OR7E24: variants seen among roughly 807,000 people sequenced by gnomAD.
OR7E24 encodes olfactory receptor 7E24.
For missense variants in OR7E24, 385 were observed against 410.3 expected (o/e 0.94, Z 0.53); for synonymous variants, 130 against 157.5 (o/e 0.83, Z 1.31).
chr19:9,209,218 C>T, the OR7E24 span: 19 of 152,076 alleles, frequency 1.2e-4, no homozygotes, highest in Admixed American at 1.2e-3. Flanking sequence ...TTTATGGACC[C>T]TTCATCACTC....
the OR7E24 span, among the ~76,000 whole-genome samples, chr19:9,223,428 C>T: frequency 0.32 from 48,842 of 152,078 alleles, 8,472 homozygotes; most frequent in African/African-American, 0.44. Flanking sequence ...TGACATACAA[C>T]ACAAATATTT....
the OR7E24 span, among the ~76,000 whole-genome samples, chr19:9,231,595 A>G: frequency 6.6e-6 from 1 of 152,202 alleles, no homozygotes; most frequent in African/African-American, 2.4e-5. Flanking sequence ...CAAAAGCAAC[A>G]ACAACAAAAA....
At chr19:9,226,401 A>G in the OR7E24 span, among the ~76,000 whole-genome samples, 3 of 152,210 alleles carry the variant, frequency 2.0e-5, no homozygotes, top group Admixed American at 2.0e-4. Context: ...GGGACCGCAC[A>G]TTCCGTGTTT....
At chr19:9,215,532 T>G in the OR7E24 span, among the ~76,000 whole-genome samples, 1 of 152,130 alleles carries the variant, frequency 6.6e-6, no homozygotes, top group Non-Finnish European at 1.5e-5. Context: ...CAATAGTTAT[T>G]AAGTTGTGGA....
the OR7E24 span, among the ~76,000 whole-genome samples, chr19:9,225,711 A>G: frequency 6.6e-6 from 1 of 152,152 alleles, no homozygotes; most frequent in African/African-American, 2.4e-5. Flanking sequence ...ATGTACACAA[A>G]AAGTTTATCC....
chr19:9,234,153 C>T, the OR7E24 span, among the ~76,000 whole-genome samples: 2 of 152,140 alleles, frequency 1.3e-5, no homozygotes, highest in Non-Finnish European at 2.9e-5. Context: ...CCGCTCACCT[C>T]GGCCTCCCAA....
At chr19:9,214,493 C>T in the OR7E24 span, 1 of 1,613,966 alleles carries the variant, frequency 6.2e-7, no homozygotes, top group African/African-American at 1.3e-5. Context: ...CCATCACGGC[C>T]AGTAGGAAAG....
the OR7E24 span, among the ~76,000 whole-genome samples, chr19:9,238,737 CT>C: frequency 2.0e-5 from 3 of 152,176 alleles, no homozygotes; most frequent in African/African-American, 7.2e-5. Context: ...ATGAGTTTGA[CT>C]TGTTTTCATC....
At position 9,251,802 on chromosome 19, in the gene OR7E24, T is replaced by G. The variant is rs1174839130; in HGVS notation, c.747T>G (p.Tyr249Ter). 1.2e-6 allele frequency: 2 copies of G among 1,613,192 alleles called. No homozygotes were observed. The highest frequency in any genetic ancestry group is 3.3e-5 in the Admixed American group (2 of 59,864). The change falls in exon 2 of 2, where the codon TAT becomes TAG. Residue 249 changes from tyrosine (Y) to a stop codon, truncating the protein, a stop_gained. Coordinates refer to the OR7E24 transcript ENST00000641946. LOFTEE classifies it low-confidence loss of function (END_TRUNC). ...GAGTTCCAACATCAGATGGGAAGTA[T>G]AAAGCCTTCTCCACCTGTGGCTCTC... is the stretch of plus-strand genomic sequence containing the variant.
At chr19:9,239,129 T>A in the OR7E24 span, among the ~76,000 whole-genome samples, 1 of 152,112 alleles carries the variant, frequency 6.6e-6, no homozygotes, top group South Asian at 2.1e-4. Flanking sequence ...ACCAACAGTA[T>A]GCAATGTCCC....
chr19:9,221,340 C>CCTTTTTTTTTTTTTTTTTTT, the OR7E24 span, among the ~76,000 whole-genome samples: 1 of 81,180 alleles, frequency 1.2e-5, no homozygotes. Context: ...GTCTTTTGCC[C>CCTTTTTTTTTTTTTTTTTTT]TTTTTTTTTT....
the OR7E24 span, chr19:9,236,067 A>C: frequency 2.6e-6 from 4 of 1,546,744 alleles, no homozygotes; most frequent in South Asian, 4.5e-5. Flanking sequence ...TTAGCAGGGC[A>C]GCCTCTTGTC....
chr19:9,235,590 GT>G, the OR7E24 span: 1 of 1,561,298 alleles, frequency 6.4e-7, no homozygotes, highest in South Asian at 1.1e-5. Flanking sequence ...TGGCATCTTG[GT>G]TCATCATTTT....
the OR7E24 span, chr19:9,211,898 A>G: frequency 6.7e-6 from 1 of 150,104 alleles, no homozygotes; most frequent in Non-Finnish European, 1.5e-5. Flanking sequence ...TTAAAATTAA[A>G]AAAAAATCTG....
chr19:9,237,156 T>C, the OR7E24 span, among the ~76,000 whole-genome samples: 1 of 152,138 alleles, frequency 6.6e-6, no homozygotes, highest in Non-Finnish European at 1.5e-5. Context: ...TGCTTCGGAG[T>C]ACCCTGAGCT....
At chr19:9,215,157 A>G in the OR7E24 span, among the ~76,000 whole-genome samples, 1 of 152,246 alleles carries the variant, frequency 6.6e-6, no homozygotes, top group Non-Finnish European at 1.5e-5. Flanking sequence ...ATCCTGGCCA[A>G]TATGGTGAAA....
At position 9,251,463 on chromosome 19, in the gene OR7E24, G is replaced by A. The variant is rs945739228; in HGVS notation, c.420G>A (p.Arg140=). The A allele has an allele frequency of 1.9e-6, 3 of 1,614,110 alleles. No homozygotes were observed. The highest frequency in any genetic ancestry group is 3.3e-5 in the Admixed American group (2 of 60,014). Residue 140 remains arginine (R), a synonymous_variant, in exon 1 of 1, where the codon CGG becomes CGA. Coordinates refer to ENST00000456448, the MANE Select transcript of OR7E24 (RefSeq NM_001079935.2). Reference sequence around the variant, plus strand: ...TCCTGAGTGTGATGGCCTATGACCGGTTTGTGGCCATCTGTCACCCCCTGC... The same window carrying A: ...TCCTGAGTGTGATGGCCTATGACCGATTTGTGGCCATCTGTCACCCCCTGC... ...DMLLSVMAYD[R]FVAICHPLHY... is the part of the protein sequence containing the mutation.
At chr19:9,222,672 T>C in the OR7E24 span, among the ~76,000 whole-genome samples, 1 of 152,124 alleles carries the variant, frequency 6.6e-6, no homozygotes, top group Admixed American at 6.6e-5. Context: ...CTTTACTGAG[T>C]CTTTTTTGTT....
At chr19:9,220,409 T>C in the OR7E24 span, among the ~76,000 whole-genome samples, 3 of 152,194 alleles carry the variant, frequency 2.0e-5, no homozygotes, top group Non-Finnish European at 4.4e-5. Flanking sequence ...GAAATCTGGA[T>C]TCTATTTCTC....
Sources: gnomAD v4.1 joint callset for allele counts (sites outside exome capture counted in the v4.1 genomes callset) on GRCh38, gnomAD v4.1.1 for gene constraint, MANE v1.5 for transcripts, NCBI Gene and HGNC (gene_info 2026-07-23, HGNC 2026-07-21) for gene names.